Variants in TBC1D5 observed in about 807,000 individuals in gnomAD.
TBC1D5 encodes TBC1 domain family, member 5.
In TBC1D5, 75 loss-of-function variants were observed where a neutral mutation model predicts 100.3. The ratio of observed to expected loss-of-function variants is 0.75; its 90% CI spans 0.62 to 0.91. TBC1D5 has a LOEUF of 0.91. Among genes scored for constraint, TBC1D5 ranks in the 40% least tolerant of loss-of-function variants. The pLI is 0.00. For missense variants in TBC1D5, 910 were observed against 942.4 expected, an observed-to-expected ratio of 0.97 and a Z score of 0.45; for synonymous variants, 323 against 325.6, an observed-to-expected ratio of 0.99 and a Z score of 0.09.
chr3:17,719,645 A>G (rs539206134), intron 1 of TBC1D5, among the ~76,000 whole-genome samples: 2 of 152,212 alleles, frequency 1.3e-5, no homozygotes, highest in African/African-American at 2.4e-5. Flanking sequence ...TTGATGCACA[A>G]AAGTTTAAGT....
intron 19 of TBC1D5, among the ~76,000 whole-genome samples, chr3:17,175,341 GCA>G (rs1238044668): frequency 2.0e-5 from 3 of 152,168 alleles, no homozygotes; most frequent in African/African-American, 7.2e-5. Context: ...AGTAAGCGTG[GCA>G]CAGAGTTCTG....
intron 1 of TBC1D5, chr3:17,663,198 AT>A (rs1007738221): frequency 2.0e-5 from 3 of 152,166 alleles, no homozygotes; most frequent in Non-Finnish European, 4.4e-5. Flanking sequence ...TTTATTAGGT[AT>A]TTTTTAAGTT....
intron 1 of TBC1D5, among the ~76,000 whole-genome samples, chr3:17,678,038 T>C (rs1277565280): frequency 6.6e-6 from 1 of 152,090 alleles, no homozygotes; most frequent in Non-Finnish European, 1.5e-5. Context: ...ATACCTAATG[T>C]AAATGACGAG....
intron 2 of TBC1D5, among the ~76,000 whole-genome samples, chr3:17,515,874 A>G (rs935352280): frequency 6.6e-6 from 1 of 152,200 alleles, no homozygotes; most frequent in Non-Finnish European, 1.5e-5. Context: ...CAGCAAAATT[A>G]TAATTTATGA....
intron 13 of TBC1D5, among the ~76,000 whole-genome samples, chr3:17,313,409 T>TC (rs939850753): frequency 3.0e-4 from 46 of 152,330 alleles, no homozygotes; most frequent in African/African-American, 9.9e-4. Context: ...AGTTTTTACT[T>TC]CTAGAAAGTC....
chr3:17,206,649 A>AC (rs1406963789), intron 18 of TBC1D5, among the ~76,000 whole-genome samples: 1 of 152,022 alleles, frequency 6.6e-6, no homozygotes, highest in African/African-American at 2.4e-5. Context: ...CAGGATGGTC[A>AC]CCCCCCTGTA....
intron 2 of TBC1D5, among the ~76,000 whole-genome samples, chr3:17,522,763 A>G (rs938306211): frequency 3.3e-5 from 5 of 152,284 alleles, no homozygotes; most frequent in Admixed American, 2.6e-4. Flanking sequence ...TACTATCTCC[A>G]AAATTTCATT....
intron 2 of TBC1D5, among the ~76,000 whole-genome samples, chr3:17,593,747 T>C (rs780270809): frequency 3.3e-5 from 5 of 152,198 alleles, no homozygotes; most frequent in Admixed American, 6.5e-5. Context: ...CTGGTCTTCC[T>C]ATGTTCCCCA....
intron 2 of TBC1D5, among the ~76,000 whole-genome samples, chr3:17,554,506 A>G (rs1316363508): frequency 6.6e-6 from 1 of 152,076 alleles, no homozygotes; most frequent in African/African-American, 2.4e-5. Context: ...GTTTGATCAT[A>G]CTCTGGTTGA....
chr3:17,638,662 G>C (rs999967332), intron 1 of TBC1D5, among the ~76,000 whole-genome samples: 1 of 151,978 alleles, frequency 6.6e-6, no homozygotes, highest in African/African-American at 2.4e-5. Flanking sequence ...ACACAATAAT[G>C]CAACTCTACA....
chr3:17,397,446 A>G (rs2093537972), intron 8 of TBC1D5, among the ~76,000 whole-genome samples: 2 of 152,156 alleles, frequency 1.3e-5, no homozygotes, highest in South Asian at 4.1e-4. Context: ...ACCACAGCTT[A>G]CTGCAGTCTC....
chr3:17,568,546 T>C (rs1487599975), intron 2 of TBC1D5, among the ~76,000 whole-genome samples: 1 of 151,544 alleles, frequency 6.6e-6, no homozygotes, highest in African/African-American at 2.4e-5. Flanking sequence ...AATATATAAG[T>C]TGATTATACT....
intron 19 of TBC1D5, among the ~76,000 whole-genome samples, chr3:17,182,274 G>GA (rs1460536457): frequency 2.0e-5 from 3 of 151,792 alleles, no homozygotes; most frequent in African/African-American, 4.8e-5. Flanking sequence ...TTATATGAGG[G>GA]AAAAAAAAGT....
chr3:17,734,667 A>G (rs1052527411), intron 1 of TBC1D5, among the ~76,000 whole-genome samples: 19 of 152,256 alleles, frequency 1.2e-4, no homozygotes, highest in African/African-American at 4.6e-4. Flanking sequence ...ACCTGAATAA[A>G]GCTGTTTAAC....
chr3:17,612,503 G>A (rs974130547), intron 2 of TBC1D5, among the ~76,000 whole-genome samples: 6 of 151,650 alleles, frequency 4.0e-5, no homozygotes, highest in Non-Finnish European at 5.9e-5. Context: ...GGTGGCATGC[G>A]CCTGTAATCC....
chr3:17,732,427 A>G (rs4908966), intron 1 of TBC1D5, among the ~76,000 whole-genome samples: 86,859 of 151,888 alleles, frequency 0.57, 25,656 homozygotes, highest in East Asian at 0.99. Flanking sequence ...TTACTATTCT[A>G]TAATTTTCTG....
intron 1 of TBC1D5, among the ~76,000 whole-genome samples, chr3:17,677,695 A>G (rs1259760889): frequency 6.6e-6 from 1 of 152,224 alleles, no homozygotes; most frequent in Non-Finnish European, 1.5e-5. Context: ...ACACATGCAC[A>G]CGTATGTTTA....
At chr3:17,467,136 T>G (rs574728062) in intron 3 of TBC1D5, among the ~76,000 whole-genome samples, 20 of 152,228 alleles carry the variant, frequency 1.3e-4, no homozygotes, top group Admixed American at 1.2e-3. Flanking sequence ...TGTTTTGTTT[T>G]ACTATAGATA....
chr3:17,349,056 T>A (rs1280312468), intron 13 of TBC1D5, among the ~76,000 whole-genome samples: 1 of 151,826 alleles, frequency 6.6e-6, no homozygotes, highest in East Asian at 1.9e-4. Context: ...ATAGGTGGAG[T>A]TGAAAATGAG....
Sources: gnomAD v4.1 joint callset for allele counts (sites outside exome capture counted in the v4.1 genomes callset) on GRCh38, gnomAD v4.1.1 for gene constraint, MANE v1.5 for transcripts, NCBI Gene and HGNC (gene_info 2026-07-23, HGNC 2026-07-21) for gene names.